The following OTC variants were observed in gnomAD, a reference collection of about 807,000 sequenced individuals.
The protein encoded by OTC is ornithine transcarbamylase.
In OTC, 3 loss-of-function variants were observed where a neutral mutation model predicts 30.3. The ratio of observed to expected loss-of-function variants is 0.10; its 90% confidence interval spans 0.05 to 0.26. The LOEUF (loss-of-function observed/expected upper bound fraction) is 0.26, where lower values mean the gene tolerates loss of function less well. Ranked by LOEUF, OTC falls within the 10% of genes least tolerant of loss-of-function variation. The pLI is 1.00. For missense variants in OTC, 194 were observed against 260.3 expected (o/e 0.75, Z 1.75); for synonymous variants, 111 against 99.7 (o/e 1.11, Z -0.67).
chrX:38,396,545 G>A (rs2068458162), intron 4 of OTC, among the ~76,000 whole-genome samples: 1 of 111,124 alleles, frequency 9.0e-6, no homozygotes, highest in Non-Finnish European at 1.9e-5. Context: ...AGTCTGAGAC[G>A]GGTGATCACC....
At chrX:38,347,992 G>C (rs1396597508), upstream of OTC, among the ~76,000 whole-genome samples, 1 of 112,300 alleles carries the variant, frequency 8.9e-6, no homozygotes, top group Admixed American at 9.4e-5. Flanking sequence ...CAAAATGTCA[G>C]AGAACTAACA....
At position 38,408,903 on chromosome X, in the gene OTC, G is replaced by T; in HGVS notation, c.745G>T (p.Asp249Tyr). 8.3e-7 allele frequency: 1 copy of T among 1,206,530 alleles called. No individual in the cohort carries two copies. The highest frequency in any genetic ancestry group is 1.1e-6 in the Non-Finnish European group (1 of 892,336). Residue 249 changes from aspartate to tyrosine, a missense_variant, in exon 8 of 10, where the codon GAT (aspartate) becomes TAT (tyrosine). Physicochemically the swap from Asp to Tyr is radical, Grantham distance 160 (BLOSUM62 -3). Coordinates refer to ENST00000039007, the MANE Select transcript of OTC (RefSeq NM_000531.6). ...ENGTKLLLTN[D>Y]PLEAAHGGNV... The stretch of plus-strand genomic sequence containing the variant: ...TGGTACCAAGCTGTTGCTGACAAAT[G>T]ATCCATTGGAAGCAGCGCATGGAGG...
chrX:38,403,763 A>G, intron 6 of OTC, 23 bp downstream of exon 6: 1 of 1,204,352 alleles, frequency 8.3e-7, no homozygotes, highest in Admixed American at 2.2e-5. Context: ...TTTGCCTTGA[A>G]ACTAACCCCT....
chrX:38,395,133 C>A (rs188163861), intron 4 of OTC, among the ~76,000 whole-genome samples: 17,824 of 109,682 alleles, frequency 0.16, 1,330 homozygotes, highest in Middle Eastern at 0.24. Flanking sequence ...CCACCACAAC[C>A]GGCTAATTTT....
At chrX:38,418,113 A>G (rs147860793) in intron 9 of OTC, among the ~76,000 whole-genome samples, 1,510 of 111,533 alleles carry the variant, frequency 0.014, 29 homozygotes, top group African/African-American at 0.045. Flanking sequence ...AACAATGCAC[A>G]GGAGATCCCC....
At chrX:38,400,594 C>G (rs112031299) in intron 4 of OTC, among the ~76,000 whole-genome samples, 2,329 of 112,109 alleles carry the variant, frequency 0.021, 69 homozygotes, top group African/African-American at 0.071. Context: ...AGTAGCGCAG[C>G]TCTGAGAAAG....
chrX:38,406,459 G>T (rs922028082), intron 6 of OTC, among the ~76,000 whole-genome samples: 8 of 111,746 alleles, frequency 7.2e-5, no homozygotes, highest in African/African-American at 2.0e-4. Flanking sequence ...TAAAATTTAT[G>T]TAAAGGCTAG....
intron 1 of OTC, among the ~76,000 whole-genome samples, chrX:38,360,492 A>G (rs2068266308): frequency 2.7e-5 from 3 of 111,899 alleles, no homozygotes; most frequent in Non-Finnish European, 3.8e-5. Flanking sequence ...TAAAGTGAAG[A>G]CTACTTAGAC....
intron 4 of OTC, among the ~76,000 whole-genome samples, chrX:38,386,921 G>T (rs1351987091): frequency 1.8e-5 from 2 of 112,287 alleles, no homozygotes; most frequent in Non-Finnish European, 3.8e-5. Flanking sequence ...CACCAATGGT[G>T]TGGAAGAATT....
intron 6 of OTC, among the ~76,000 whole-genome samples, chrX:38,405,508 C>T (rs73632482): frequency 0.064 from 7,031 of 110,200 alleles, 613 homozygotes; most frequent in African/African-American, 0.22. Context: ...TAAATTTAGG[C>T]CCACTCTAAT....
chrX:38,352,830 T>C, intron 1 of OTC, 57 bp downstream of exon 1: 1 of 877,181 alleles, frequency 1.1e-6, no homozygotes, highest in Non-Finnish European at 1.7e-6. Context: ...TGCATAAAAC[T>C]ATATTCTGCA....
upstream of OTC, among the ~76,000 whole-genome samples, chrX:38,351,153 C>T (rs150267251): frequency 4.5e-3 from 502 of 111,861 alleles, 5 homozygotes; most frequent in African/African-American, 0.016. Flanking sequence ...CAGTCTTTCC[C>T]CTCACTTTAT....
chrX:38,363,047 G>A (rs2068279616), intron 1 of OTC, among the ~76,000 whole-genome samples: 2 of 111,938 alleles, frequency 1.8e-5, no homozygotes, highest in Admixed American at 1.9e-4. Context: ...TGAGAATAGG[G>A]GATGATATTG....
At chrX:38,422,369 G>A (rs1232783069), downstream of OTC, among the ~76,000 whole-genome samples, 1 of 112,032 alleles carries the variant, frequency 8.9e-6, no homozygotes, top group African/African-American at 3.2e-5. Flanking sequence ...GTAATTTATT[G>A]GAAGCACTTA....
At chrX:38,377,832 C>T (rs893484551) in intron 3 of OTC, among the ~76,000 whole-genome samples, 2 of 110,779 alleles carry the variant, frequency 1.8e-5, no homozygotes, top group Non-Finnish European at 3.8e-5. Flanking sequence ...TTCTTGTTGT[C>T]TCTCTCTCTC....
At chrX:38,375,694 T>C (rs1389536236) in intron 3 of OTC, among the ~76,000 whole-genome samples, 5 of 111,568 alleles carry the variant, frequency 4.5e-5, no homozygotes, top group South Asian at 3.8e-4. Flanking sequence ...GAGTTTGAAG[T>C]GTCTATTAGA....
rs1318967537 is a variant in OTC at position 38,421,177 on chromosome X, A to G, written c.*95A>G. ...AGAAGAGAATCTAAAAAATAAACAA[A>G]TCCCTAACACGTGGTATGGGTGAAC... On this transcript the variant is annotated 3_prime_UTR_variant, in exon 10 of 10. Coordinates refer to ENST00000039007, the MANE Select transcript of OTC (RefSeq NM_000531.6). The G allele has an allele frequency of 9.8e-6, 6 of 612,804 alleles. No individual in the cohort carries two copies. The highest frequency in any genetic ancestry group is 3.1e-4 in the Middle Eastern group (1 of 3,273). The allele number at this position is 612,804 out of a possible 1,213,427, so 50.5% of individuals were successfully genotyped here. A position where few individuals can be genotyped will look rare whatever the true frequency, so the allele number is the denominator to read the frequency against.
chrX:38,348,528 G>A (rs1163372155), upstream of OTC, among the ~76,000 whole-genome samples: 15 of 87,912 alleles, frequency 1.7e-4, no homozygotes, highest in African/African-American at 6.4e-4. Context: ...TAGCTTGCAG[G>A]AACTTTTTTT....
At chrX:38,352,591 C>G, upstream of OTC, 2 of 596,975 alleles carry the variant, frequency 3.4e-6, no homozygotes, top group Non-Finnish European at 5.7e-6. Flanking sequence ...CCTTTGCTCC[C>G]TCACTGCAAC....
Sources: allele counts gnomAD v4.1 joint callset (sites outside exome capture counted in the v4.1 genomes callset), GRCh38; gene constraint gnomAD v4.1.1; transcripts MANE v1.5; gene names NCBI Gene and HGNC (gene_info 2026-07-23, HGNC 2026-07-21).